The following LINGO2 variants were observed in gnomAD, a reference collection of about 807,000 sequenced individuals.
LINGO2 encodes leucine rich repeat and Ig domain containing 2, also known as leucine-rich repeat and immunoglobulin-like domain-containing nogo receptor-interacting protein 2.
In LINGO2, 14 loss-of-function variants were observed where a neutral mutation model predicts 30.6. That is an observed-to-expected ratio of 0.46 (90% CI 0.30 to 0.72). The LOEUF (loss-of-function observed/expected upper bound fraction) is 0.72. LINGO2 is among the 30% of genes least tolerant of loss of function. The pLI is 0.07. For synonymous variants in LINGO2, 317 were observed against 288.5 expected (o/e 1.10, Z -1.00); for missense variants, 729 against 751.7 (o/e 0.97, Z 0.35).
chr9:28,238,390 T>C (rs1213154361), intron 4 of LINGO2, among the ~76,000 whole-genome samples: 1 of 152,112 alleles, frequency 6.6e-6, no homozygotes, highest in Non-Finnish European at 1.5e-5. Flanking sequence ...AGACCATATG[T>C]TAGGTCACAA....
chr9:28,585,988 GC>G (rs1563843725), intron 1 of LINGO2, among the ~76,000 whole-genome samples: 1 of 151,644 alleles, frequency 6.6e-6, no homozygotes, highest in East Asian at 2.0e-4. Context: ...CTCCTGGTCA[GC>G]CCTGGCTTCT....
the LINGO2 span, among the ~76,000 whole-genome samples, chr9:28,993,294 C>A: frequency 2.0e-5 from 3 of 152,112 alleles, no homozygotes; most frequent in African/African-American, 7.2e-5. Flanking sequence ...TCGACACATA[C>A]ACCCTCCCAA....
chr9:28,672,881 G>T (rs2136050559), upstream of LINGO2, among the ~76,000 whole-genome samples: 1 of 152,156 alleles, frequency 6.6e-6, no homozygotes. Context: ...TTCCTTGGAA[G>T]AAAACAATTT....
intron 3 of LINGO2, among the ~76,000 whole-genome samples, chr9:28,362,317 A>G (rs1412760788): frequency 7.0e-6 from 1 of 142,718 alleles, no homozygotes; most frequent in Non-Finnish European, 1.6e-5. Context: ...TAAAGATTTC[A>G]CTGTTTTGCT....
At chr9:28,520,063 C>G (rs1781342111) in intron 1 of LINGO2, among the ~76,000 whole-genome samples, 2 of 152,146 alleles carry the variant, frequency 1.3e-5, no homozygotes, top group Admixed American at 1.3e-4. Context: ...ATTATTAGCA[C>G]TATGAGTTTG....
chr9:28,001,245 G>T (rs1046385410), intron 5 of LINGO2, among the ~76,000 whole-genome samples: 2 of 152,094 alleles, frequency 1.3e-5, no homozygotes, highest in East Asian at 3.9e-4. Context: ...AGCCAGCTTG[G>T]CTTCCCTTGC....
chr9:28,608,400 C>CA (rs1384870163), intron 1 of LINGO2, among the ~76,000 whole-genome samples: 1 of 151,988 alleles, frequency 6.6e-6, no homozygotes, highest in Non-Finnish European at 1.5e-5. Flanking sequence ...ACAATCTCTA[C>CA]AGTCTCTTCC....
chr9:29,125,300 C>G, the LINGO2 span, among the ~76,000 whole-genome samples: 2 of 152,118 alleles, frequency 1.3e-5, no homozygotes, highest in East Asian at 3.9e-4. Context: ...AGGACAAATA[C>G]CTAATGCATG....
chr9:28,955,759 A>G, the LINGO2 span, among the ~76,000 whole-genome samples: 6 of 152,230 alleles, frequency 3.9e-5, no homozygotes, highest in African/African-American at 1.4e-4. Context: ...TCTATCAAAC[A>G]TTAGATATGT....
At chr9:28,691,106 G>A in the LINGO2 span, among the ~76,000 whole-genome samples, 4 of 152,130 alleles carry the variant, frequency 2.6e-5, no homozygotes, top group Admixed American at 6.5e-5. Context: ...GCAACCATAA[G>A]GTTTTGGTTA....
chr9:28,391,331 T>C (rs552707605), intron 2 of LINGO2, among the ~76,000 whole-genome samples: 1 of 152,224 alleles, frequency 6.6e-6, no homozygotes, highest in South Asian at 2.1e-4. Flanking sequence ...TCTAAGGAAG[T>C]GGTATTATCA....
the LINGO2 span, among the ~76,000 whole-genome samples, chr9:28,743,461 G>T: frequency 6.6e-6 from 1 of 151,824 alleles, no homozygotes; most frequent in Non-Finnish European, 1.5e-5. Flanking sequence ...GTGCTAGTTT[G>T]CTGAGAATGA....
chr9:28,984,586 G>A, the LINGO2 span, among the ~76,000 whole-genome samples: 1 of 151,670 alleles, frequency 6.6e-6, no homozygotes, highest in African/African-American at 2.4e-5. Context: ...TCCAGGATAG[G>A]GGAAATAAAA....
intron 3 of LINGO2, among the ~76,000 whole-genome samples, chr9:28,312,440 AAT>A (rs1368100243): frequency 2.6e-5 from 4 of 152,026 alleles, no homozygotes; most frequent in Non-Finnish European, 5.9e-5. Context: ...TTCAGGAAAA[AAT>A]CACGAAAATT....
At chr9:28,654,050 A>T (rs972103091) in intron 1 of LINGO2, among the ~76,000 whole-genome samples, 3 of 152,012 alleles carry the variant, frequency 2.0e-5, no homozygotes, top group Admixed American at 2.0e-4. Flanking sequence ...GTTTTGCTAA[A>T]TGACTATGTA....
chr9:28,881,565 T>C, the LINGO2 span, among the ~76,000 whole-genome samples: 1 of 152,296 alleles, frequency 6.6e-6, no homozygotes, highest in Middle Eastern at 3.4e-3. Context: ...TTTGACTGTA[T>C]TTTAAGTGAA....
the LINGO2 span, among the ~76,000 whole-genome samples, chr9:28,987,350 C>G: frequency 6.6e-6 from 1 of 152,018 alleles, no homozygotes; most frequent in African/African-American, 2.4e-5. Context: ...TCATAGTAGT[C>G]TCTTAAAATT....
chr9:27,963,948 G>A (rs1587552939), intron 5 of LINGO2, among the ~76,000 whole-genome samples: 1 of 152,026 alleles, frequency 6.6e-6, no homozygotes, highest in East Asian at 1.9e-4. Flanking sequence ...AATCACCAGG[G>A]TTACCTAAGT....
At chr9:28,309,022 G>A (rs1824493412) in intron 3 of LINGO2, among the ~76,000 whole-genome samples, 1 of 152,092 alleles carries the variant, frequency 6.6e-6, no homozygotes, top group South Asian at 2.1e-4. Flanking sequence ...AAGTCAGTGT[G>A]GCAATTCCTC....
Sources: gnomAD v4.1 joint callset for allele counts (sites outside exome capture counted in the v4.1 genomes callset) on GRCh38, gnomAD v4.1.1 for gene constraint, MANE v1.5 for transcripts, NCBI Gene and HGNC (gene_info 2026-07-23, HGNC 2026-07-21) for gene names.